NOMO1: variants seen among roughly 807,000 people sequenced by gnomAD.
NOMO1 encodes NODAL modulator 1, also known as nodal modulator 3.
In NOMO1, 40 loss-of-function variants were observed where a neutral mutation model predicts 133.8. The ratio of observed to expected loss-of-function variants is 0.30; its 90% CI spans 0.23 to 0.39. The LOEUF is 0.39. NOMO1 is among the 10% of genes least tolerant of loss of function. The pLI, the probability that NOMO1 is intolerant of heterozygous loss-of-function variation, is 1.00. For missense variants in NOMO1, 462 were observed against 1,419.9 expected, an observed-to-expected ratio of 0.33 and a Z score of 10.84; for synonymous variants, 236 against 570.5, an observed-to-expected ratio of 0.41 and a Z score of 8.36.
chr16:14,879,051 A>G (rs1964204357), intron 23 of NOMO1, among the ~76,000 whole-genome samples: 1 of 151,824 alleles, frequency 6.6e-6, no homozygotes, highest in Non-Finnish European at 1.5e-5. Flanking sequence ...TTGTTTTCTG[A>G]TCACCCACTT....
chr16:14,889,667 T>C (rs1316435295), intron 29 of NOMO1, among the ~76,000 whole-genome samples: 12 of 151,746 alleles, frequency 7.9e-5, no homozygotes, highest in Non-Finnish European at 1.2e-4. Flanking sequence ...TGGGTCACTT[T>C]CTCATTCTGC....
chr16:14,857,542 C>T lies in NOMO1; in HGVS notation c.1107C>T (p.Asn369=). 1 of 1,610,822 alleles carries T rather than the reference C, an allele frequency of 6.2e-7. No individual in the cohort carries two copies. The highest frequency in any genetic ancestry group is 8.5e-7 in the Non-Finnish European group (1 of 1,178,690). ...TKADGSFRLE[N]ITTGTYTIHA... ...CTGATGGCTCATTCCGCCTTGAGAACATAACCACAGGGACATACACCATCC... is the reference window on the plus strand; with the variant it reads ...CTGATGGCTCATTCCGCCTTGAGAATATAACCACAGGGACATACACCATCC... Residue 369 remains asparagine (N), a synonymous_variant, in exon 11 of 31, where the codon AAC becomes AAT. Coordinates refer to ENST00000287667, the MANE Select transcript of NOMO1 (RefSeq NM_014287.4).
intron 29 of NOMO1, among the ~76,000 whole-genome samples, chr16:14,892,693 C>T (rs1964423825): frequency 6.6e-6 from 1 of 151,044 alleles, no homozygotes. Flanking sequence ...AGCGCCCACT[C>T]TGTGCCACCC....
chr16:14,857,591 T>G lies in NOMO1; in HGVS notation c.1156T>G (p.Phe386Val), dbSNP rs1193223133. The G allele has an allele frequency of 1.2e-6, 2 of 1,612,890 alleles. No homozygotes were observed. Among genetic ancestry groups the G allele is most frequent in the East Asian group, 4.5e-5 (2 of 44,788 alleles). ...CCATGCTCAGAAAGAGCACCTCTACTTTGAAACGGTCACCATCAAAATTGC... is the reference window on the plus strand; with the variant it reads ...CCATGCTCAGAAAGAGCACCTCTACGTTGAAACGGTCACCATCAAAATTGC... ...TIHAQKEHLY[F>V]ETVTIKIAPN... Residue 386 changes from phenylalanine to valine, a missense_variant, in exon 11 of 31, where the codon TTT (phenylalanine) becomes GTT (valine). Physicochemically the swap from Phe to Val is conservative, Grantham distance 50. Coordinates refer to ENST00000287667, the MANE Select transcript of NOMO1 (RefSeq NM_014287.4).
intron 18 of NOMO1, 75 bp from the exon 19 acceptor site, chr16:14,874,961 A>C: frequency 6.3e-7 from 1 of 1,588,488 alleles, no homozygotes; most frequent in Non-Finnish European, 8.6e-7. Context: ...TCGCAAGTCC[A>C]TACTCGTAGA....
chr16:14,887,355 G>A (rs1185735842), intron 28 of NOMO1, among the ~76,000 whole-genome samples: 4 of 150,950 alleles, frequency 2.6e-5, no homozygotes, highest in Admixed American at 6.6e-5. Context: ...GTGCAGTGGC[G>A]CAATCTGGGC....
At position 14,846,693 on chromosome 16, in the gene NOMO1, G is replaced by A. The variant is rs768716490; in HGVS notation, c.509+10G>A. ...CACAGCCTGGCGGAAAGTGAGTAGC[G>A]TCCTGTCTCTTAGTGTTGCCTTAGA... On this transcript the variant is annotated intron_variant, in intron 5 of 30. Coordinates refer to ENST00000287667, the MANE Select transcript of NOMO1 (RefSeq NM_014287.4). 17 of 1,056,308 alleles carry A rather than the reference G, an allele frequency of 1.6e-5. No individual in the cohort carries two copies. Among genetic ancestry groups the A allele is most frequent in the Admixed American group, 9.3e-5 (4 of 43,152 alleles). 65.4% of individuals were successfully genotyped at this position (1,056,308 alleles called of 1,614,324 possible). A position where few individuals can be genotyped will look rare whatever the true frequency, so the allele number is the denominator to read the frequency against.
At chr16:14,866,142 C>T (rs1333758414) in intron 14 of NOMO1, among the ~76,000 whole-genome samples, 1 of 147,862 alleles carries the variant, frequency 6.8e-6, no homozygotes, top group Non-Finnish European at 1.5e-5. Context: ...ACTGCAACCT[C>T]TCCGCCTTCT....
At chr16:14,836,334 A>G (rs1280870614) in intron 1 of NOMO1, among the ~76,000 whole-genome samples, 1 of 152,038 alleles carries the variant, frequency 6.6e-6, no homozygotes, top group Non-Finnish European at 1.5e-5. Context: ...AGAACTTTAC[A>G]TACAGGCTTA....
At chr16:14,866,450 C>A (rs1488440261) in intron 14 of NOMO1, 105 bp from the exon 15 acceptor site, 1 of 1,604,302 alleles carries the variant, frequency 6.2e-7, no homozygotes, top group Admixed American at 1.7e-5. Context: ...TACATACACA[C>A]CTGCTTTTTA....
chr16:14,867,569 G>A (rs1964022377), intron 15 of NOMO1, among the ~76,000 whole-genome samples: 1 of 140,724 alleles, frequency 7.1e-6, no homozygotes, highest in Admixed American at 7.5e-5. Flanking sequence ...CTTGTTGACT[G>A]TGGTCTCTGT....
intron 9 of NOMO1, among the ~76,000 whole-genome samples, chr16:14,856,362 CA>C (rs1389666334): frequency 6.6e-5 from 10 of 151,992 alleles, no homozygotes; most frequent in Admixed American, 1.3e-4. Flanking sequence ...GACACAGACA[CA>C]TGGAGCATGG....
intron 29 of NOMO1, among the ~76,000 whole-genome samples, 153 bp downstream of exon 29, chr16:14,889,368 C>T (rs1199580031): frequency 3.9e-5 from 6 of 151,978 alleles, no homozygotes; most frequent in African/African-American, 7.3e-5. Context: ...CCCAACTCTA[C>T]AAAAAATACA....
chr16:14,858,991 G>A (rs139544186), intron 11 of NOMO1, among the ~76,000 whole-genome samples: 1 of 152,108 alleles, frequency 6.6e-6, no homozygotes, highest in African/African-American at 2.4e-5. Flanking sequence ...ACATTGGTCT[G>A]TAGGACCACT....
chr16:14,883,406 G>A lies in NOMO1; in HGVS notation c.3111+729G>A, dbSNP rs1228691030. On this transcript the variant is annotated intron_variant, in intron 26 of 30. Transcript: ENST00000287667. ...GGATGGAGTGCAGTGCCGTGATCTC[G>A]GCTCACTGCAACCTCCTCCTTGTGG... 3.3e-5 allele frequency among the ~76,000 whole-genome samples: 5 copies of A among 150,142 alleles called. No homozygotes were observed. In the South Asian group the frequency reaches 1.1e-3, roughly 32 times the overall value.
At chr16:14,892,383 G>A (rs533064225) in intron 29 of NOMO1, among the ~76,000 whole-genome samples, 52 of 151,798 alleles carry the variant, frequency 3.4e-4, no homozygotes, top group Non-Finnish European at 6.6e-4. Context: ...ATTCTCAGGG[G>A]CCCCTAGCAG....
intron 1 of NOMO1, among the ~76,000 whole-genome samples, chr16:14,834,800 A>T (rs1963479323): frequency 7.6e-6 from 1 of 131,744 alleles, no homozygotes; most frequent in Non-Finnish European, 1.6e-5. Context: ...GGATGGAGGT[A>T]GGGGCAGAAT....
intron 26 of NOMO1, among the ~76,000 whole-genome samples, chr16:14,883,722 G>A (rs1413988694): frequency 1.3e-5 from 2 of 151,234 alleles, no homozygotes; most frequent in South Asian, 2.1e-4. Context: ...GCATGTTCTC[G>A]GTGTAGTAAC....
At chr16:14,886,736 T>C in intron 27 of NOMO1, 25 bp from the exon 28 acceptor site, 4 of 1,610,560 alleles carry the variant, frequency 2.5e-6, no homozygotes, top group Non-Finnish European at 2.5e-6. Context: ...TTTCAAAGCA[T>C]GTCTGACTTT....
Sources: allele counts gnomAD v4.1 joint callset (sites outside exome capture counted in the v4.1 genomes callset), GRCh38; gene constraint gnomAD v4.1.1; transcripts MANE v1.5; gene names NCBI Gene and HGNC (gene_info 2026-07-23, HGNC 2026-07-21).